The following CCSER1 variants were observed in gnomAD, a reference collection of about 807,000 sequenced individuals.
The protein encoded by CCSER1 is coiled-coil serine rich protein 1, also known as serine-rich coiled-coil domain-containing protein 1.
In CCSER1, 41 loss-of-function variants were observed where a neutral mutation model predicts 82.0. That is an observed-to-expected ratio of 0.50 (90% CI 0.39 to 0.65). CCSER1 has a LOEUF of 0.65. CCSER1 is among the 30% of genes least tolerant of loss of function. CCSER1 has a pLI of 0.00. For synonymous variants in CCSER1, 414 were observed against 383.9 expected (o/e 1.08, Z -0.92); for missense variants, 1,119 against 1,064.2 (o/e 1.05, Z -0.72).
At chr4:90,512,279 T>C (rs1771631986) in intron 5 of CCSER1, among the ~76,000 whole-genome samples, 1 of 150,842 alleles carries the variant, frequency 6.6e-6, no homozygotes, top group Non-Finnish European at 1.5e-5. Flanking sequence ...GCCTTGTCTC[T>C]GGTTGGTAAA....
intron 9 of CCSER1, among the ~76,000 whole-genome samples, chr4:90,992,624 T>C (rs1390018954): frequency 1.3e-5 from 2 of 152,000 alleles, no homozygotes; most frequent in East Asian, 3.9e-4. Flanking sequence ...TAAGATATTA[T>C]GATTATTATA....
chr4:90,738,038 A>AT (rs1309570419), intron 7 of CCSER1, among the ~76,000 whole-genome samples: 1 of 152,146 alleles, frequency 6.6e-6, no homozygotes, highest in Non-Finnish European at 1.5e-5. Flanking sequence ...CAAAATAACT[A>AT]TTTTGAATTC....
At chr4:90,391,522 T>G (rs1751137572) in intron 3 of CCSER1, among the ~76,000 whole-genome samples, 1 of 139,832 alleles carries the variant, frequency 7.2e-6, no homozygotes, top group Non-Finnish European at 1.5e-5. Context: ...TATATATATA[T>G]ATATATATAC....
At chr4:91,014,634 TTAAC>T (rs1739266074) in intron 9 of CCSER1, among the ~76,000 whole-genome samples, 1 of 149,434 alleles carries the variant, frequency 6.7e-6, no homozygotes, top group Non-Finnish European at 1.5e-5. Flanking sequence ...TTGCTGCTTT[TTAAC>T]AAAGCCAGAT....
chr4:90,644,987 C>T (rs549902778), intron 6 of CCSER1, among the ~76,000 whole-genome samples: 1 of 149,594 alleles, frequency 6.7e-6, no homozygotes, highest in East Asian at 2.0e-4. Flanking sequence ...GAGGCTAAGA[C>T]AAGAGAATCA....
At chr4:90,778,555 C>T (rs966541893) in intron 7 of CCSER1, among the ~76,000 whole-genome samples, 3 of 149,104 alleles carry the variant, frequency 2.0e-5, no homozygotes, top group African/African-American at 7.4e-5. Context: ...AAAAGAAACC[C>T]ATACACTAAC....
chr4:90,478,467 A>G (rs1276333237), intron 5 of CCSER1, among the ~76,000 whole-genome samples: 2 of 152,204 alleles, frequency 1.3e-5, no homozygotes, highest in African/African-American at 2.4e-5. Context: ...CGTGTTGAAT[A>G]TATAAATTAG....
At chr4:90,153,253 A>G (rs2153353625) in intron 1 of CCSER1, among the ~76,000 whole-genome samples, 1 of 152,094 alleles carries the variant, frequency 6.6e-6, no homozygotes, top group Non-Finnish European at 1.5e-5. Context: ...TCCATGGAGT[A>G]TATTGCCACA....
At chr4:90,375,899 G>A (rs1010563829) in intron 3 of CCSER1, among the ~76,000 whole-genome samples, 3 of 152,104 alleles carry the variant, frequency 2.0e-5, no homozygotes, top group Admixed American at 6.6e-5. Context: ...AAATTTAACC[G>A]GAGACTGTAA....
chr4:91,268,925 T>A (rs1458086889), intron 10 of CCSER1, among the ~76,000 whole-genome samples: 2 of 150,980 alleles, frequency 1.3e-5, no homozygotes, highest in Non-Finnish European at 2.9e-5. Flanking sequence ...CATCTGGACG[T>A]ATACGTGCAG....
At chr4:91,364,324 G>T (rs1045499236) in intron 10 of CCSER1, among the ~76,000 whole-genome samples, 7 of 151,984 alleles carry the variant, frequency 4.6e-5, no homozygotes, top group African/African-American at 1.7e-4. Flanking sequence ...TAATTTTCAT[G>T]ATGGGAAATA....
rs1416941165 is a variant in CCSER1, at chr4:90,989,812, A to T, written c.2172+66365A>T. 8.0e-4 allele frequency among the ~76,000 whole-genome samples: 121 copies of T among 151,954 alleles called. 1 individual carries two copies. The highest frequency in any genetic ancestry group is 1.8e-4 in the Non-Finnish European group (12 of 67,870). ...ACCACTAAAAAAAAGCAAGTCTTAT[A>T]TTTGACAGAAAACAGGGAGATAGAA... is the stretch of plus-strand genomic sequence containing the variant. On this transcript the variant is annotated intron_variant, in intron 9 of 10. Transcript: ENST00000509176.
intron 8 of CCSER1, among the ~76,000 whole-genome samples, chr4:90,922,223 G>C (rs1415071559): frequency 2.0e-5 from 3 of 151,800 alleles, no homozygotes; most frequent in African/African-American, 7.3e-5. Context: ...TACGTACTTT[G>C]ATAAACATCT....
chr4:91,195,632 T>C (rs765693854), intron 10 of CCSER1, among the ~76,000 whole-genome samples: 9 of 152,248 alleles, frequency 5.9e-5, no homozygotes, highest in Non-Finnish European at 1.2e-4. Context: ...TGTGCCCTGC[T>C]ACTCAAGATT....
chr4:90,175,397 G>A (rs1038294005), intron 1 of CCSER1, among the ~76,000 whole-genome samples: 1 of 151,908 alleles, frequency 6.6e-6, no homozygotes, highest in Non-Finnish European at 1.5e-5. Context: ...ATTAAATAAA[G>A]AATTGAGAAA....
At chr4:90,810,272 A>G (rs1758079153) in intron 7 of CCSER1, among the ~76,000 whole-genome samples, 1 of 152,088 alleles carries the variant, frequency 6.6e-6, no homozygotes, top group Non-Finnish European at 1.5e-5. Flanking sequence ...AAATTTGATC[A>G]CCTTATATGT....
intron 6 of CCSER1, among the ~76,000 whole-genome samples, chr4:90,694,892 CA>C (rs1026622185): frequency 2.0e-5 from 3 of 151,358 alleles, no homozygotes; most frequent in African/African-American, 7.3e-5. Flanking sequence ...CTCAATTTTA[CA>C]GAGAAGAAAA....
chr4:91,527,092 G>A (rs537764373), intron 10 of CCSER1, among the ~76,000 whole-genome samples: 35 of 152,302 alleles, frequency 2.3e-4, no homozygotes, highest in Non-Finnish European at 4.0e-4. Context: ...GAAGCAATGT[G>A]TTAATGCATG....
chr4:91,272,806 T>C (rs1160133540), intron 10 of CCSER1, among the ~76,000 whole-genome samples: 2 of 152,244 alleles, frequency 1.3e-5, no homozygotes, highest in Non-Finnish European at 2.9e-5. Flanking sequence ...TTCATTCTCC[T>C]ACATGTGGCT....
Sources: allele counts gnomAD v4.1 joint callset (sites outside exome capture counted in the v4.1 genomes callset), GRCh38; gene constraint gnomAD v4.1.1; transcripts MANE v1.5; gene names NCBI Gene and HGNC (gene_info 2026-07-23, HGNC 2026-07-21).